ANO2: variants seen among roughly 807,000 people sequenced by gnomAD.
ANO2 encodes the protein anoctamin 2, also known as anoctamin-2.
ANO2 carries 101 observed loss-of-function variants against 124.2 expected under a neutral mutation model. The observed-to-expected ratio is 0.81, with a 90% CI of 0.69 to 0.96. ANO2 has a LOEUF of 0.96. ANO2 is among the 40% of genes least tolerant of loss of function. ANO2 has a pLI of 0.00. For synonymous variants in ANO2, 486 were observed against 482.5 expected (o/e 1.01, Z -0.09); for missense variants, 1,293 against 1,274.5 (o/e 1.01, Z -0.22).
intron 3 of ANO2, among the ~76,000 whole-genome samples, chr12:5,872,765 G>T (rs939510560): frequency 1.4e-4 from 21 of 152,100 alleles, no homozygotes; most frequent in Admixed American, 2.0e-4. Flanking sequence ...GGTTCCGGGA[G>T]GAGACATGGT....
chr12:5,914,487 G>C (rs930039714), intron 3 of ANO2, among the ~76,000 whole-genome samples: 2 of 152,166 alleles, frequency 1.3e-5, no homozygotes. Context: ...AGACAGAGTA[G>C]GGCTCCACCT....
chr12:5,923,007 T>G (rs1941792026), intron 1 of ANO2, among the ~76,000 whole-genome samples: 1 of 149,838 alleles, frequency 6.7e-6, no homozygotes, highest in African/African-American at 2.5e-5. Flanking sequence ...GCCCCCCGAC[T>G]GCATACACAC....
chr12:5,883,501 T>TGG (rs1441710926), intron 3 of ANO2, among the ~76,000 whole-genome samples: 7 of 106,084 alleles, frequency 6.6e-5, no homozygotes, highest in Non-Finnish European at 1.8e-5. Flanking sequence ...GACATTAGGG[T>TGG]GGTGTGTGTG....
At chr12:5,600,440 A>G (rs370242437) in intron 19 of ANO2, among the ~76,000 whole-genome samples, 16 of 152,218 alleles carry the variant, frequency 1.1e-4, no homozygotes, top group African/African-American at 3.6e-4. Context: ...TGAGCAGACT[A>G]AGACAACTAC....
intron 1 of ANO2, among the ~76,000 whole-genome samples, chr12:5,923,116 A>ACG (rs1184709189): frequency 1.6e-5 from 1 of 62,704 alleles, no homozygotes; most frequent in African/African-American, 4.3e-5. Context: ...ACACACATGC[A>ACG]CGCACACACA....
chr12:5,663,445 G>A (rs1403161598), intron 14 of ANO2, among the ~76,000 whole-genome samples: 1 of 152,174 alleles, frequency 6.6e-6, no homozygotes, highest in Admixed American at 6.5e-5. Flanking sequence ...GGCCCTGTGT[G>A]CAGGGGACTG....
intron 1 of ANO2, among the ~76,000 whole-genome samples, chr12:5,923,174 GCACACACACATACACACACACGCACGCA>G (rs1941868566): frequency 7.9e-4 from 7 of 8,884 alleles, no homozygotes; most frequent in African/African-American, 1.6e-3. Context: ...ACACACACAC[GCACACACACATACACACACACGCACGCA>G]CACACACCCA....
At chr12:5,780,891 A>C (rs1952372024) in intron 10 of ANO2, among the ~76,000 whole-genome samples, 1 of 152,208 alleles carries the variant, frequency 6.6e-6, no homozygotes, top group South Asian at 2.1e-4. Flanking sequence ...TGACTTTGTG[A>C]GATATTGGGA....
intron 14 of ANO2, among the ~76,000 whole-genome samples, chr12:5,683,786 G>A (rs1243723078): frequency 2.0e-5 from 3 of 152,084 alleles, no homozygotes; most frequent in African/African-American, 4.8e-5. Context: ...AGAACTCAGT[G>A]AGGACAGGGC....
At chr12:5,632,278 T>G (rs1400310246) in intron 16 of ANO2, among the ~76,000 whole-genome samples, 1 of 151,820 alleles carries the variant, frequency 6.6e-6, no homozygotes, top group Non-Finnish European at 1.5e-5. Context: ...AACACACCAC[T>G]TCAGTACAGA....
intron 14 of ANO2, among the ~76,000 whole-genome samples, chr12:5,684,316 T>G (rs1462955395): frequency 6.6e-6 from 1 of 152,202 alleles, no homozygotes; most frequent in Non-Finnish European, 1.5e-5. Context: ...TTCAAAAATA[T>G]TCATTGAGTC....
chr12:5,622,962 T>TC (rs200117810), intron 16 of ANO2, among the ~76,000 whole-genome samples: 1 of 83,390 alleles, frequency 1.2e-5, no homozygotes, highest in Admixed American at 1.3e-4. Context: ...AGGCTCTGTC[T>TC]CAAAAAAAAA....
At chr12:5,812,272 G>A (rs529907501) in intron 7 of ANO2, among the ~76,000 whole-genome samples, 24 of 135,276 alleles carry the variant, frequency 1.8e-4, no homozygotes, top group Admixed American at 1.4e-3. Context: ...GGAAGGAGAA[G>A]GGAGGGAAAC....
At chr12:5,575,302 G>A (rs1249849477) in intron 23 of ANO2, among the ~76,000 whole-genome samples, 1 of 152,186 alleles carries the variant, frequency 6.6e-6, no homozygotes, top group African/African-American at 2.4e-5. Flanking sequence ...GCTCCATAGT[G>A]TCTAGAAAAA....
At chr12:5,726,746 TAA>T (rs1307442956) in intron 14 of ANO2, among the ~76,000 whole-genome samples, 1 of 152,316 alleles carries the variant, frequency 6.6e-6, no homozygotes, top group Non-Finnish European at 1.5e-5. Context: ...TGAAAATCAA[TAA>T]GAGAAGGTAT....
At chr12:5,907,200 A>T (rs993671517) in intron 3 of ANO2, among the ~76,000 whole-genome samples, 1 of 152,178 alleles carries the variant, frequency 6.6e-6, no homozygotes, top group Non-Finnish European at 1.5e-5. Flanking sequence ...GGTTGTGCCT[A>T]TTTTTATAAT....
At chr12:5,832,425 C>A (rs1954181116) in intron 5 of ANO2, 27 bp downstream of exon 5, 1 of 1,613,226 alleles carries the variant, frequency 6.2e-7, no homozygotes, top group African/African-American at 1.3e-5. Flanking sequence ...CTTCCCACAT[C>A]TCTGCTCCAG....
At chr12:5,837,293 C>CTTTTTTT (rs10623130) in intron 4 of ANO2, among the ~76,000 whole-genome samples, 1 of 95,562 alleles carries the variant, frequency 1.0e-5, no homozygotes, top group Non-Finnish European at 1.9e-5. Flanking sequence ...ATGCAGATTT[C>CTTTTTTT]TTTTTTTTTT....
chr12:5,942,774 C>T (rs1359111234), intron 1 of ANO2, among the ~76,000 whole-genome samples: 1 of 152,200 alleles, frequency 6.6e-6, no homozygotes, highest in Non-Finnish European at 1.5e-5. Context: ...GAGAGGCCTT[C>T]GCTAACCACT....
Sources: gnomAD v4.1 joint callset for allele counts (sites outside exome capture counted in the v4.1 genomes callset) on GRCh38, gnomAD v4.1.1 for gene constraint, MANE v1.5 for transcripts, NCBI Gene and HGNC (gene_info 2026-07-23, HGNC 2026-07-21) for gene names.